The following DCAF12 variants were observed in gnomAD, a reference collection of about 807,000 sequenced individuals.
The protein encoded by DCAF12 is DDB1- and CUL4-associated factor 12.
In DCAF12, 28 loss-of-function variants were observed where a neutral mutation model predicts 52.8. The ratio of observed to expected loss-of-function variants is 0.53; its 90% CI spans 0.39 to 0.73. DCAF12 has a LOEUF of 0.73. Among genes scored for constraint, DCAF12 ranks in the 30% least tolerant of loss-of-function variants. The pLI is 0.00. For synonymous variants in DCAF12, 196 were observed against 215.5 expected (o/e 0.91, Z 0.79); for missense variants, 425 against 552.2 (o/e 0.77, Z 2.31).
At chr9:34,094,699 T>G (rs1287994538) in intron 6 of DCAF12, among the ~76,000 whole-genome samples, 1 of 150,378 alleles carries the variant, frequency 6.6e-6, no homozygotes, top group African/African-American at 2.4e-5. Flanking sequence ...CCCGGCTAAT[T>G]TTTTGTATTT....
At chr9:34,126,299 A>C (rs1829249046) in intron 1 of DCAF12, 55 bp downstream of exon 1, 1 of 1,598,014 alleles carries the variant, frequency 6.3e-7, no homozygotes, top group Non-Finnish European at 8.5e-7. Context: ...GCGGACCCTA[A>C]GCCCATCTTG....
In DCAF12 at chr9:34,088,421, T is replaced by C. The variant is rs1289647982; in HGVS notation, c.1291A>G (p.Thr431Ala). The stretch of plus-strand genomic sequence containing the variant: ...GGACCTCCTGCCACAAAGAGTTTCG[T>C]TCCAGACGAGTCGTAGCAGTGGGTG... ...VYTHCYDSSG[T>A]KLFVAGGPLP... is the part of the protein sequence containing the mutation. Residue 431 changes from threonine to alanine, a missense_variant, in exon 9 of 9, where the codon ACG becomes GCG. Physicochemically the swap from Thr to Ala is moderately conservative, Grantham distance 58 (BLOSUM62 0). This residue lies in a region of DCAF12 where 328 missense variants were observed against 444.4 expected (regional missense o/e 0.74). Transcript: ENST00000361264. 1 of 1,613,990 alleles carries C rather than the reference T, an allele frequency of 6.2e-7. No homozygotes were observed. The highest frequency in any genetic ancestry group is 8.5e-7 in the Non-Finnish European group (1 of 1,180,002).
intron 2 of DCAF12, among the ~76,000 whole-genome samples, chr9:34,111,890 T>C (rs903156786): frequency 1.1e-4 from 16 of 152,064 alleles, no homozygotes; most frequent in Non-Finnish European, 1.6e-4. Context: ...ATCCCAGCAC[T>C]TAGGGAGGCT....
rs896105261 is a variant in DCAF12 at position 34,098,339 on chromosome 9, G to A, written c.780C>T (p.Phe260=). Residue 260 remains phenylalanine, a synonymous_variant, in exon 5 of 9, where the codon TTC becomes TTT. Transcript: ENST00000361264. The stretch of plus-strand genomic sequence containing the variant: ...AAGTTCATACCTTGTTCTTGTTGTT[G>A]AAGGCCAGAGCCCGAACCTTGCAGT... The part of the protein sequence containing the change: ...PDNCKVRALA[F]NNKNKELGAV... 4 of 1,613,994 alleles carry A rather than the reference G, an allele frequency of 2.5e-6. No individual in the cohort carries two copies. The highest frequency in any genetic ancestry group is 2.7e-5 in the African/African-American group (2 of 75,050).
At chr9:34,097,515 G>A (rs926269190) in intron 5 of DCAF12, among the ~76,000 whole-genome samples, 4 of 152,068 alleles carry the variant, frequency 2.6e-5, no homozygotes, top group Middle Eastern at 6.8e-3. Context: ...CTCGGCCTCC[G>A]AAAGTGCAGG....
At chr9:34,111,004 G>A (rs10971921) in intron 2 of DCAF12, among the ~76,000 whole-genome samples, 18,874 of 59,002 alleles carry the variant, frequency 0.32, 2,024 homozygotes, top group East Asian at 0.68. Flanking sequence ...TTTTTTTTTT[G>A]AGACCAAGTC....
At chr9:34,095,280 G>T (rs1358752159) in intron 6 of DCAF12, among the ~76,000 whole-genome samples, 1 of 151,004 alleles carries the variant, frequency 6.6e-6, no homozygotes, top group Non-Finnish European at 1.5e-5. Flanking sequence ...TCGCCATGTT[G>T]GCCAGCATGG....
intron 6 of DCAF12, among the ~76,000 whole-genome samples, chr9:34,094,877 G>A (rs1432100515): frequency 6.6e-6 from 1 of 152,020 alleles, no homozygotes; most frequent in African/African-American, 2.4e-5. Flanking sequence ...CTTGGGGATG[G>A]CACCCAAGTC....
At chr9:34,117,282 C>CAAA (rs148148525) in intron 2 of DCAF12, among the ~76,000 whole-genome samples, 1 of 133,666 alleles carries the variant, frequency 7.5e-6, no homozygotes, top group Non-Finnish European at 1.6e-5. Flanking sequence ...AGATGGAGCT[C>CAAA]AAAAAAAAAA....
At chr9:34,120,669 C>CAAAAAAAAAAAAAAAAA (rs71506167) in intron 2 of DCAF12, among the ~76,000 whole-genome samples, 2 of 117,142 alleles carry the variant, frequency 1.7e-5, no homozygotes, top group Non-Finnish European at 3.5e-5. Flanking sequence ...GACGCGGTCT[C>CAAAAAAAAAAAAAAAAA]AAAAAAAAAA....
chr9:34,120,530 G>A (rs1350258531), intron 2 of DCAF12, among the ~76,000 whole-genome samples: 2 of 151,692 alleles, frequency 1.3e-5, no homozygotes, highest in Admixed American at 6.6e-5. Flanking sequence ...AATTGGCCAG[G>A]CATGGTAGCA....
intron 4 of DCAF12, among the ~76,000 whole-genome samples, chr9:34,104,780 G>A (rs1223582010): frequency 6.6e-6 from 1 of 151,802 alleles, no homozygotes; most frequent in African/African-American, 2.4e-5. Context: ...AGCCAGGCGT[G>A]GTGGTGGGCA....
rs769348359 is a variant in DCAF12 at position 34,098,396 on chromosome 9, C to G, written c.723G>C (p.Lys241Asn). The change falls in exon 5 of 9, where the codon AAG becomes AAC. Residue 241 changes from lysine (K) to asparagine (N), a missense_variant. By Grantham distance (94) the Lys-to-Asn change is moderately conservative. Transcript: ENST00000361264. ...GGTTTGTGTCTTCTTTGGGGATGTC[C>G]TTTAAGGCCTTGTGAGTGATGTGTG... The part of the protein sequence containing the change: ...VYAHITHKAL[K>N]DIPKEDTNPD... The G allele has an allele frequency of 8.7e-6, 14 of 1,614,228 alleles. No homozygotes were observed. The highest frequency in any genetic ancestry group is 1.2e-5 in the Non-Finnish European group (14 of 1,180,034).
chr9:34,089,614 C>A, intron 7 of DCAF12, 24 bp from the exon 8 acceptor site: 5 of 1,582,192 alleles, frequency 3.2e-6, no homozygotes, highest in Non-Finnish European at 4.3e-6. Flanking sequence ...AAGTAAAAGG[C>A]AGTGAGGCGG....
intron 4 of DCAF12, among the ~76,000 whole-genome samples, chr9:34,100,536 C>A (rs1361854731): frequency 2.0e-5 from 3 of 150,512 alleles, no homozygotes; most frequent in Non-Finnish European, 4.4e-5. Flanking sequence ...ACTCTGTTGC[C>A]CAGGCTGGAG....
At chr9:34,122,940 C>T (rs1829197482) in intron 2 of DCAF12, among the ~76,000 whole-genome samples, 1 of 152,234 alleles carries the variant, frequency 6.6e-6, no homozygotes, top group Admixed American at 6.5e-5. Context: ...CGCAGCCAAT[C>T]TGAATTTGCG....
intron 2 of DCAF12, among the ~76,000 whole-genome samples, chr9:34,122,602 G>A (rs544778133): frequency 2.0e-5 from 3 of 150,756 alleles, no homozygotes; most frequent in African/African-American, 7.3e-5. Context: ...TCAGCCTTCC[G>A]AGTAGCTGGG....
In DCAF12 at chr9:34,098,361, C is replaced by G; in HGVS notation, c.758G>C (p.Cys253Ser). ...IPKEDTNPDN[C>S]KVRALAFNNK... ...GTTGAAGGCCAGAGCCCGAACCTTG[C>G]AGTTGTCAGGGTTTGTGTCTTCTTT... The change falls in exon 5 of 9, where the codon TGC becomes TCC. Residue 253 changes from cysteine to serine, a missense_variant. Coordinates refer to ENST00000361264, the MANE Select transcript of DCAF12 (RefSeq NM_015397.4). 1 of 1,614,200 alleles carries G rather than the reference C, an allele frequency of 6.2e-7. No individual in the cohort carries two copies.
chr9:34,126,221 G>T, intron 1 of DCAF12, 133 bp downstream of exon 1: 2 of 1,126,172 alleles, frequency 1.8e-6, no homozygotes, highest in Non-Finnish European at 2.6e-6. Flanking sequence ...TGACCCTATA[G>T]GCCCTGAACC....
Sources: allele counts gnomAD v4.1 joint callset (sites outside exome capture counted in the v4.1 genomes callset), GRCh38; gene constraint gnomAD v4.1.1; regional missense constraint gnomAD v4.1.1; transcripts MANE v1.5; gene names NCBI Gene and HGNC (gene_info 2026-07-23, HGNC 2026-07-21).